The following TMCO4 variants were observed in gnomAD, a reference collection of about 807,000 sequenced individuals.
TMCO4 encodes transmembrane and coiled-coil domains 4.
A neutral mutation model predicts 64.7 loss-of-function variants in TMCO4; 58 were observed. The observed-to-expected ratio is 0.90, with a 90% CI of 0.73 to 1.12. TMCO4 has a LOEUF of 1.12. Ranked by LOEUF, TMCO4 falls within the 50% of genes most tolerant of loss-of-function variation. The pLI is 0.00. For missense variants in TMCO4, 780 were observed against 825.9 expected, an observed-to-expected ratio of 0.94 and a Z score of 0.68; for synonymous variants, 325 against 346.1, an observed-to-expected ratio of 0.94 and a Z score of 0.68.
Position 19,683,186 on chromosome 1 carries a change from C to A in TMCO4, c.1759G>T (p.Gly587Trp). ...GAGGCCCCTTCAGACTGGTCCAGCCCTACTGGCACCTGGGCTTGGCTGGGG... is the reference window on the plus strand; with the variant it reads ...GAGGCCCCTTCAGACTGGTCCAGCCATACTGGCACCTGGGCTTGGCTGGGG... ...TDPSQAQVPV[G>W]LDQSEGASLP... The change falls in exon 16 of 16, where the codon GGG (glycine) becomes TGG (tryptophan). Residue 587 changes from glycine (G) to tryptophan (W), a missense_variant. Transcript: ENST00000294543. 6.2e-7 allele frequency: 1 copy of A among 1,614,252 alleles called. No individual in the cohort carries two copies. Among genetic ancestry groups the A allele is most frequent in the African/African-American group, 1.3e-5 (1 of 75,072 alleles).
At chr1:19,756,195 G>A (rs117193024) in intron 6 of TMCO4, among the ~76,000 whole-genome samples, 3,055 of 152,286 alleles carry the variant, frequency 0.02, 56 homozygotes, top group East Asian at 0.043. Flanking sequence ...GCTGCAGTGA[G>A]CCGTGATCAT....
Position 19,683,284 on chromosome 1 carries a change from T to G in TMCO4, c.1661A>C (p.Glu554Ala). ...RQAAAAASSGETPHQVGQTQG... is the reference protein window; with the variant it reads ...RQAAAAASSGATPHQVGQTQG... Reference sequence around the variant, plus strand: ...GGTTTGCCCAACCTGGTGGGGGGTCTCGCCTGATGAGGCGGCAGCTGCTGC... The same window carrying G: ...GGTTTGCCCAACCTGGTGGGGGGTCGCGCCTGATGAGGCGGCAGCTGCTGC... Residue 554 changes from glutamate (E) to alanine (A), a missense_variant, in exon 16 of 16, where the codon GAG (glutamate) becomes GCG (alanine). Transcript: ENST00000294543. 1 of 1,614,060 alleles carries G rather than the reference T, an allele frequency of 6.2e-7. No individual in the cohort carries two copies. The highest frequency in any genetic ancestry group is 8.5e-7 in the Non-Finnish European group (1 of 1,179,978).
At chr1:19,790,262 A>G (rs1338757647) in intron 2 of TMCO4, among the ~76,000 whole-genome samples, 7 of 152,194 alleles carry the variant, frequency 4.6e-5, no homozygotes, top group Admixed American at 4.6e-4. Context: ...GCACAGGCAC[A>G]GATGTTATGA....
intron 6 of TMCO4, among the ~76,000 whole-genome samples, chr1:19,756,292 G>A (rs887496898): frequency 9.9e-5 from 15 of 152,036 alleles, no homozygotes; most frequent in African/African-American, 3.1e-4. Flanking sequence ...AGTCAAATGC[G>A]CAAAGATCAG....
At chr1:19,687,232 C>T (rs151032015) in intron 15 of TMCO4, among the ~76,000 whole-genome samples, 5 of 152,264 alleles carry the variant, frequency 3.3e-5, no homozygotes, top group East Asian at 3.9e-4. Context: ...GGATTACAGG[C>T]GTGAGCCACT....
At position 19,757,162 on chromosome 1, in the gene TMCO4, G is replaced by GC. The variant is rs952455851; in HGVS notation, c.383-1397_383-1396insG. Among the ~76,000 whole-genome samples, 10 of 139,882 alleles carry GC rather than the reference G, an allele frequency of 7.1e-5. No individual in the cohort carries two copies. In the East Asian group the frequency reaches 9.9e-4, roughly 14 times the overall value. The allele number at this position is 139,882 out of a possible 152,430, so 91.8% of individuals were successfully genotyped here. On this transcript the variant is annotated intron_variant, in intron 6 of 15. Coordinates refer to ENST00000294543, the MANE Select transcript of TMCO4 (RefSeq NM_181719.7). Reference sequence around the variant, plus strand: ...AAAAATTAGCCAGGCGTGGTGGCGGGGGGGGGCGCCTGTAATTTCCAGCAA... The same window carrying GC: ...AAAAATTAGCCAGGCGTGGTGGCGGGCGGGGGGCGCCTGTAATTTCCAGCAA...
chr1:19,755,673 A>C lies in TMCO4; in HGVS notation c.476T>G (p.Phe159Cys). The change falls in exon 7 of 16, where the codon TTC (phenylalanine) becomes TGC (cysteine). Residue 159 changes from phenylalanine (F) to cysteine (C), a missense_variant. Coordinates refer to ENST00000294543, the MANE Select transcript of TMCO4 (RefSeq NM_181719.7). Reference sequence around the variant, plus strand: ...TTTGATTTCCTTCAGGCTCTCCAGGAACATCTCTTCAAGGACATCCAGCTC... The same window carrying C: ...TTTGATTTCCTTCAGGCTCTCCAGGCACATCTCTTCAAGGACATCCAGCTC... ...LEELDVLEEM[F>C]LESLKEIKEE... 1 of 1,614,132 alleles carries C rather than the reference A, an allele frequency of 6.2e-7. No homozygotes were observed. Among genetic ancestry groups the C allele is most frequent in the Non-Finnish European group, 8.5e-7 (1 of 1,180,022 alleles).
intron 14 of TMCO4, among the ~76,000 whole-genome samples, chr1:19,697,855 C>T (rs1336948868): frequency 2.0e-5 from 3 of 151,550 alleles, no homozygotes; most frequent in African/African-American, 7.3e-5. Flanking sequence ...CTCAAGCGAT[C>T]CTCCTGCCTT....
Position 19,683,404 on chromosome 1 carries a change from A to T in TMCO4, c.1541T>A (p.Ile514Asn), listed in dbSNP as rs771136172. The change falls in exon 16 of 16, where the codon ATC becomes AAC. Residue 514 changes from isoleucine (I) to asparagine (N), a missense_variant. Coordinates refer to ENST00000294543, the MANE Select transcript of TMCO4 (RefSeq NM_181719.7). ...HLDYAKQMDA[I>N]LKAVGIRTKP... ...GGTGCGGATGCCCACGGCCTTCAGG[A>T]TGGCATCCATCTGCTTGGCATAGTC... 2.9e-5 allele frequency: 46 copies of T among 1,613,332 alleles called. 2 individuals carry two copies. The South Asian group carries it at 4.8e-4, about 17-fold the overall frequency.
chr1:19,780,992 C>T (rs954085985), intron 3 of TMCO4, among the ~76,000 whole-genome samples: 2 of 152,002 alleles, frequency 1.3e-5, no homozygotes, highest in African/African-American at 2.4e-5. Flanking sequence ...AGTATCCAAA[C>T]AACTAACTCC....
intron 13 of TMCO4, among the ~76,000 whole-genome samples, chr1:19,703,097 C>T (rs1414531339): frequency 2.0e-5 from 3 of 152,272 alleles, no homozygotes; most frequent in East Asian, 1.9e-4. Flanking sequence ...AGAACAGCAC[C>T]GGTTACAGAT....
chr1:19,774,212 T>C (rs571314386), intron 4 of TMCO4, among the ~76,000 whole-genome samples: 98 of 152,378 alleles, frequency 6.4e-4, no homozygotes, highest in Non-Finnish European at 1.1e-3. Flanking sequence ...CAAATTTATA[T>C]ACAGAAAGGG....
At chr1:19,767,015 C>T (rs1363984992) in intron 6 of TMCO4, among the ~76,000 whole-genome samples, 3 of 152,184 alleles carry the variant, frequency 2.0e-5, no homozygotes, top group South Asian at 4.1e-4. Flanking sequence ...CCTGTTGAGG[C>T]TATCAGATAA....
intron 4 of TMCO4, among the ~76,000 whole-genome samples, chr1:19,776,931 G>A (rs1458634031): frequency 6.7e-6 from 1 of 149,958 alleles, no homozygotes; most frequent in Non-Finnish European, 1.5e-5. Context: ...AGAAGCTGAG[G>A]CAAGAGAATT....
chr1:19,794,083 A>C (rs2044187236), intron 2 of TMCO4, among the ~76,000 whole-genome samples: 1 of 149,438 alleles, frequency 6.7e-6, no homozygotes, highest in African/African-American at 2.5e-5. Flanking sequence ...CTCTAGCCAC[A>C]CCCTCCTCCC....
chr1:19,791,302 C>G (rs2044021829), intron 2 of TMCO4, among the ~76,000 whole-genome samples: 2 of 151,386 alleles, frequency 1.3e-5, no homozygotes, highest in South Asian at 2.1e-4. Flanking sequence ...TACATGTATC[C>G]CAGAACTTAA....
At chr1:19,684,164 TC>T (rs2100503913) in intron 15 of TMCO4, among the ~76,000 whole-genome samples, 1 of 143,262 alleles carries the variant, frequency 7.0e-6, no homozygotes, top group African/African-American at 2.6e-5. Context: ...ATGGGTTCTC[TC>T]TCTCTCGTCC....
chr1:19,705,929 C>T (rs1035687549), intron 13 of TMCO4, among the ~76,000 whole-genome samples: 1 of 152,160 alleles, frequency 6.6e-6, no homozygotes, highest in African/African-American at 2.4e-5. Flanking sequence ...GAGACAGGGT[C>T]TCCCTCTGTT....
At position 19,700,714 on chromosome 1, in the gene TMCO4, C is replaced by T. The variant is rs990892498; in HGVS notation, c.1382+54G>A. The T allele has an allele frequency of 1.6e-4, 234 of 1,444,978 alleles. 1 individual carries two copies. The highest frequency in any genetic ancestry group is 5.2e-4 in the Middle Eastern group (3 of 5,724). 89.5% of individuals were successfully genotyped at this position (1,444,978 alleles called of 1,614,324 possible). The stretch of plus-strand genomic sequence containing the variant: ...GTCCCCAACACAGAGCCTGGGCATA[C>T]TAAGTGCTCCGTAAGCATTGTCACT... On this transcript the variant is annotated intron_variant, in intron 14 of 15. Transcript: ENST00000294543.
Sources: allele counts gnomAD v4.1 joint callset (sites outside exome capture counted in the v4.1 genomes callset), GRCh38; gene constraint gnomAD v4.1.1; transcripts MANE v1.5; gene names NCBI Gene and HGNC (gene_info 2026-07-23, HGNC 2026-07-21).